CADM2: variants seen among roughly 807,000 people sequenced by gnomAD.
CADM2 encodes the protein cell adhesion molecule 2.
A neutral mutation model predicts 49.8 loss-of-function variants in CADM2; 12 were observed. The ratio of observed to expected loss-of-function variants is 0.24; its 90% confidence interval spans 0.15 to 0.39. The LOEUF (loss-of-function observed/expected upper bound fraction) is 0.39, where lower values mean the gene tolerates loss of function less well. Ranked by LOEUF, CADM2 falls within the 10% of genes least tolerant of loss-of-function variation. The pLI, the probability that CADM2 is intolerant of heterozygous loss-of-function variation, is 1.00. For missense variants in CADM2, 378 were observed against 492.3 expected (o/e 0.77, Z 2.20); for synonymous variants, 214 against 175.4 (o/e 1.22, Z -1.74).
At chr3:85,297,859 C>T (rs1008296617) in intron 1 of CADM2, among the ~76,000 whole-genome samples, 1 of 151,940 alleles carries the variant, frequency 6.6e-6, no homozygotes, top group African/African-American at 2.4e-5. Flanking sequence ...GGAATTTGTC[C>T]TGAACACTCC....
chr3:85,444,315 G>A (rs753764357), intron 1 of CADM2, among the ~76,000 whole-genome samples: 9 of 151,972 alleles, frequency 5.9e-5, no homozygotes, highest in African/African-American at 9.6e-5. Context: ...CTTCTCAAAG[G>A]CATTCCACTT....
chr3:85,230,297 G>A (rs1018242425), intron 1 of CADM2, among the ~76,000 whole-genome samples: 3 of 152,098 alleles, frequency 2.0e-5, no homozygotes, highest in African/African-American at 4.8e-5. Flanking sequence ...CAAACATGAA[G>A]GAATGAGAAT....
intron 3 of CADM2, among the ~76,000 whole-genome samples, chr3:85,842,352 C>G (rs1028766902): frequency 6.6e-6 from 1 of 152,092 alleles, no homozygotes; most frequent in Non-Finnish European, 1.5e-5. Context: ...ATAAAATGTT[C>G]TGCTTGAATG....
intron 1 of CADM2, among the ~76,000 whole-genome samples, chr3:85,521,714 C>T (rs972076725): frequency 6.6e-6 from 1 of 152,088 alleles, no homozygotes; most frequent in South Asian, 2.1e-4. Context: ...TTTACATATT[C>T]CGTGAGTTTA....
chr3:85,082,900 A>G (rs1031673135), intron 1 of CADM2, among the ~76,000 whole-genome samples: 2 of 152,118 alleles, frequency 1.3e-5, no homozygotes, highest in African/African-American at 4.8e-5. Flanking sequence ...GCGAAATCCA[A>G]CTGAGTGCAT....
At position 85,568,397 on chromosome 3, in the gene CADM2, CTCTTTCTTTCTTTCTT is replaced by C. The variant is rs71108298; in HGVS notation, c.62-158073_62-158058del. Among the ~76,000 whole-genome samples, 177 of 52,080 alleles carry C rather than the reference CTCTTTCTTTCTTTCTT, an allele frequency of 3.4e-3. 11 individuals carry two copies. The highest frequency in any genetic ancestry group is 0.013 in the Middle Eastern group (1 of 76). 34.2% of individuals were successfully genotyped at this position (52,080 alleles called of 152,430 possible). Reference sequence around the variant, plus strand: ...GTTACCTACAATCTTTCCTTCCTCCCTCTTTCTTTCTTTCTTTCTTTCTTTCTTTCTTTCTTTCTTT... The same window carrying C: ...GTTACCTACAATCTTTCCTTCCTCCCTCTTTCTTTCTTTCTTTCTTTCTTT... On this transcript the variant is annotated intron_variant, in intron 1 of 9. Transcript: ENST00000383699.
At chr3:86,044,772 C>G (rs560342224) in intron 8 of CADM2, among the ~76,000 whole-genome samples, 1 of 152,138 alleles carries the variant, frequency 6.6e-6, no homozygotes, top group East Asian at 1.9e-4. Flanking sequence ...ATGTTTATTG[C>G]GGCACTATTC....
chr3:85,062,757 T>A (rs551900904), intron 1 of CADM2, among the ~76,000 whole-genome samples: 16 of 152,124 alleles, frequency 1.1e-4, no homozygotes, highest in African/African-American at 3.6e-4. Context: ...CGAATGTTGC[T>A]ATGACATGAA....
chr3:85,827,373 G>A (rs2073967019), intron 3 of CADM2, among the ~76,000 whole-genome samples: 2 of 151,886 alleles, frequency 1.3e-5, no homozygotes, highest in Admixed American at 1.3e-4. Flanking sequence ...TATGCATTTT[G>A]TTACTTTTTC....
At chr3:85,202,265 G>A (rs2041523580) in intron 1 of CADM2, among the ~76,000 whole-genome samples, 1 of 151,942 alleles carries the variant, frequency 6.6e-6, no homozygotes, top group Non-Finnish European at 1.5e-5. Flanking sequence ...CATTTAGAGT[G>A]GTGAATCTTT....
At chr3:85,201,481 G>A (rs2041498823) in intron 1 of CADM2, among the ~76,000 whole-genome samples, 1 of 152,120 alleles carries the variant, frequency 6.6e-6, no homozygotes, top group Non-Finnish European at 1.5e-5. Flanking sequence ...GATTAGGATG[G>A]TAGTTGCTGA....
intron 1 of CADM2, among the ~76,000 whole-genome samples, chr3:85,233,967 A>G (rs74457410): frequency 0.068 from 10,340 of 152,138 alleles, 1,156 homozygotes; most frequent in African/African-American, 0.23. Context: ...AGCTTAGCTA[A>G]CATTTATTAA....
intron 1 of CADM2, among the ~76,000 whole-genome samples, chr3:85,639,572 CT>C (rs1440430148): frequency 2.6e-5 from 4 of 152,004 alleles, no homozygotes; most frequent in Non-Finnish European, 5.9e-5. Flanking sequence ...ATTCCTTTAT[CT>C]TTGTATTTTC....
intron 1 of CADM2, among the ~76,000 whole-genome samples, chr3:85,630,701 A>T (rs1443765796): frequency 6.6e-6 from 1 of 152,108 alleles, no homozygotes; most frequent in Non-Finnish European, 1.5e-5. Context: ...TTACTTTAGA[A>T]TAACTCAGTT....
At chr3:85,069,212 A>G in intron 1 of CADM2, among the ~76,000 whole-genome samples, 1 of 152,174 alleles carries the variant, frequency 6.6e-6, no homozygotes, top group East Asian at 1.9e-4. Context: ...GATACTGTAA[A>G]TTTAAAGTTC....
intron 1 of CADM2, among the ~76,000 whole-genome samples, chr3:85,652,470 C>T (rs1055897597): frequency 6.6e-6 from 1 of 152,200 alleles, no homozygotes; most frequent in African/African-American, 2.4e-5. Flanking sequence ...TGATCAGGTA[C>T]AGTCATCTCA....
chr3:85,371,675 GTGTATA>G (rs2033241476), intron 1 of CADM2, among the ~76,000 whole-genome samples: 2 of 103,204 alleles, frequency 1.9e-5, no homozygotes, highest in South Asian at 3.0e-4. Context: ...GTGTGTGTGT[GTGTATA>G]TATATATATA....
At chr3:85,495,786 A>T (rs1019167208) in intron 1 of CADM2, among the ~76,000 whole-genome samples, 1 of 151,996 alleles carries the variant, frequency 6.6e-6, no homozygotes, top group Admixed American at 6.5e-5. Flanking sequence ...AAACAATCAG[A>T]TTCTGCAGTA....
At chr3:85,124,355 G>C (rs1156584512) in intron 1 of CADM2, among the ~76,000 whole-genome samples, 2 of 152,134 alleles carry the variant, frequency 1.3e-5, no homozygotes, top group Non-Finnish European at 2.9e-5. Context: ...TATAATCTCA[G>C]CATTCTGGGA....
Sources: gnomAD v4.1 joint callset for allele counts (sites outside exome capture counted in the v4.1 genomes callset) on GRCh38, gnomAD v4.1.1 for gene constraint, MANE v1.5 for transcripts, NCBI Gene and HGNC (gene_info 2026-07-23, HGNC 2026-07-21) for gene names.